OR2L13: variants seen among roughly 807,000 people sequenced by gnomAD.
OR2L13 encodes the protein olfactory receptor 2L13.
Under a neutral mutation model 15.3 loss-of-function variants are expected in OR2L13, and 14 were observed. That is an observed-to-expected ratio of 0.91 (90% CI 0.60 to 1.43). OR2L13 has a LOEUF of 1.43. Ranked by LOEUF, OR2L13 falls within the 40% of genes most tolerant of loss-of-function variation. The pLI is 0.00. For missense variants in OR2L13, 367 were observed against 387.9 expected (o/e 0.95, Z 0.45); for synonymous variants, 152 against 142.9 (o/e 1.06, Z -0.45).
chr1:247,952,919 T>C, the OR2L13 span, among the ~76,000 whole-genome samples: 1 of 152,118 alleles, frequency 6.6e-6, no homozygotes, highest in Admixed American at 6.5e-5. Context: ...TTGTACCTGA[T>C]CAGTAAATGG....
the OR2L13 span, among the ~76,000 whole-genome samples, chr1:248,047,821 GATA>G: frequency 6.6e-6 from 1 of 152,152 alleles, no homozygotes; most frequent in Non-Finnish European, 1.5e-5. Flanking sequence ...TGCTGGCAAT[GATA>G]ATGATGAAGA....
At chr1:247,938,959 A>G in the OR2L13 span, 2 of 152,212 alleles carry the variant, frequency 1.3e-5, no homozygotes, top group Non-Finnish European at 2.9e-5. Flanking sequence ...GTAGCTGGAT[A>G]TGTCCTTTAA....
the OR2L13 span, chr1:248,042,455 T>C: frequency 6.6e-6 from 1 of 151,922 alleles, no homozygotes; most frequent in South Asian, 2.1e-4. Context: ...TGTATACATA[T>C]GTAAATAACC....
At chr1:247,970,808 AGAGCTATTTTATCAACGTGGTACATG>A in the OR2L13 span, among the ~76,000 whole-genome samples, 1 of 152,176 alleles carries the variant, frequency 6.6e-6, no homozygotes, top group Non-Finnish European at 1.5e-5. Flanking sequence ...CTCTGGTGTA[AGAGCTATTTTATCAACGTGGTACATG>A]GAGCTATTTT....
chr1:248,043,672 G>A, the OR2L13 span, among the ~76,000 whole-genome samples: 2 of 152,116 alleles, frequency 1.3e-5, no homozygotes, highest in African/African-American at 2.4e-5. Context: ...TCCTGCACAA[G>A]GAAGAATTCA....
chr1:248,044,835 AAAAACGCCTTCCCCAAGTGTCTCC>A, the OR2L13 span, among the ~76,000 whole-genome samples: 1 of 150,770 alleles, frequency 6.6e-6, no homozygotes, highest in Non-Finnish European at 1.5e-5. Flanking sequence ...AAAAAAAAAA[AAAAACGCCTTCCCCAAGTGTCTCC>A]AGAAGGCTGA....
intron 1 of OR2L13, chr1:248,097,444 G>A (rs1664763314): frequency 6.6e-6 from 1 of 152,164 alleles, no homozygotes; most frequent in African/African-American, 2.4e-5. Flanking sequence ...AATGGAAATA[G>A]ATCCTAAACT....
chr1:248,080,143 AC>A, the OR2L13 span, among the ~76,000 whole-genome samples: 2 of 152,098 alleles, frequency 1.3e-5, no homozygotes, highest in African/African-American at 4.8e-5. Context: ...ATTTTTTTTT[AC>A]ATCTGTAAAA....
chr1:248,070,053 T>G, the OR2L13 span, among the ~76,000 whole-genome samples: 2 of 151,936 alleles, frequency 1.3e-5, no homozygotes, highest in Non-Finnish European at 2.9e-5. Flanking sequence ...ACTGTCAACA[T>G]TAGACAGATC....
the OR2L13 span, among the ~76,000 whole-genome samples, chr1:248,037,857 G>A: frequency 1.6e-4 from 25 of 152,208 alleles, no homozygotes; most frequent in South Asian, 2.5e-3. Context: ...ATAGCCCAAC[G>A]TCACATCACA....
chr1:248,008,569 C>G, the OR2L13 span, among the ~76,000 whole-genome samples: 1 of 152,156 alleles, frequency 6.6e-6, no homozygotes, highest in East Asian at 1.9e-4. Context: ...GAGGCTTAGA[C>G]TCCCACACAA....
chr1:248,015,971 C>A, the OR2L13 span, among the ~76,000 whole-genome samples: 1 of 152,160 alleles, frequency 6.6e-6, no homozygotes, highest in African/African-American at 2.4e-5. Flanking sequence ...AACCATCCTC[C>A]TTGGTTCCCA....
At chr1:247,966,648 G>A in the OR2L13 span, among the ~76,000 whole-genome samples, 1 of 152,154 alleles carries the variant, frequency 6.6e-6, no homozygotes, top group Non-Finnish European at 1.5e-5. Context: ...CTTTCACTCA[G>A]GTGTTTTAAT....
the OR2L13 span, among the ~76,000 whole-genome samples, chr1:247,962,884 T>C: frequency 2.0e-5 from 3 of 152,208 alleles, no homozygotes; most frequent in African/African-American, 7.2e-5. Context: ...CTTTAATTTC[T>C]AAATAATACA....
the OR2L13 span, among the ~76,000 whole-genome samples, chr1:248,071,019 G>T: frequency 7.9e-5 from 12 of 152,134 alleles, no homozygotes; most frequent in Admixed American, 5.2e-4. Flanking sequence ...AGGACCAGAT[G>T]GATTCACAGC....
chr1:247,973,613 C>T, the OR2L13 span, among the ~76,000 whole-genome samples: 13 of 151,622 alleles, frequency 8.6e-5, no homozygotes, highest in South Asian at 2.1e-4. Flanking sequence ...AAAAAGTGGG[C>T]GAAGGATATG....
the OR2L13 span, among the ~76,000 whole-genome samples, chr1:248,028,753 CAT>C: frequency 6.6e-6 from 1 of 152,156 alleles, no homozygotes; most frequent in African/African-American, 2.4e-5. Flanking sequence ...CCCATATTTG[CAT>C]ATGTGATGTG....
the OR2L13 span, chr1:248,003,901 C>T: frequency 8.1e-4 from 1,313 of 1,612,412 alleles, 7 homozygotes; most frequent in African/African-American, 0.014. Context: ...TTGTCTACAC[C>T]TATCTACGTC....
At chr1:247,968,649 C>G in the OR2L13 span, among the ~76,000 whole-genome samples, 2 of 152,098 alleles carry the variant, frequency 1.3e-5, no homozygotes, top group African/African-American at 4.8e-5. Flanking sequence ...CCAGCTCCAT[C>G]CATGTCCCTG....
Sources: gnomAD v4.1 joint callset for allele counts (sites outside exome capture counted in the v4.1 genomes callset) on GRCh38, gnomAD v4.1.1 for gene constraint, MANE v1.5 for transcripts, NCBI Gene and HGNC (gene_info 2026-07-23, HGNC 2026-07-21) for gene names.